Variants in HORMAD2 observed in about 807,000 individuals in gnomAD.
The protein encoded by HORMAD2 is HORMA domain containing 2.
In HORMAD2, 45 loss-of-function variants were observed where a neutral mutation model predicts 38.8. That is an observed-to-expected ratio of 1.16 (90% CI 0.91 to 1.49). The LOEUF is 1.49. Among genes scored for constraint, HORMAD2 ranks in the 40% most tolerant of loss-of-function variants. The pLI is 0.00. For synonymous variants in HORMAD2, 126 were observed against 122.8 expected, an observed-to-expected ratio of 1.03 and a Z score of -0.17; for missense variants, 338 against 367.0, an observed-to-expected ratio of 0.92 and a Z score of 0.65.
chr22:30,102,649 G>A (rs898101026), intron 3 of HORMAD2, among the ~76,000 whole-genome samples: 10 of 152,150 alleles, frequency 6.6e-5, no homozygotes, highest in Admixed American at 1.3e-4. Context: ...TTTTGAGAGG[G>A]AGTCTCATTT....
chr22:30,089,425 T>A (rs2068642725), intron 1 of HORMAD2, among the ~76,000 whole-genome samples: 1 of 151,478 alleles, frequency 6.6e-6, no homozygotes. Flanking sequence ...CAATCTTGGC[T>A]CACTGCAAGC....
At chr22:30,087,676 G>GA (rs954321199) in intron 1 of HORMAD2, among the ~76,000 whole-genome samples, 22 of 151,262 alleles carry the variant, frequency 1.5e-4, no homozygotes, top group African/African-American at 5.3e-4. Context: ...AGACAAAGGA[G>GA]AAGCAGGCAC....
chr22:30,108,122 C>T (rs718773), intron 5 of HORMAD2, among the ~76,000 whole-genome samples: 35,721 of 151,756 alleles, frequency 0.24, 6,558 homozygotes, highest in African/African-American at 0.51. Context: ...TTGAATTCTT[C>T]AAAATAAGTA....
At chr22:30,156,392 G>A (rs553937827) in intron 10 of HORMAD2, among the ~76,000 whole-genome samples, 8 of 152,138 alleles carry the variant, frequency 5.3e-5, no homozygotes, top group Admixed American at 1.3e-4. Flanking sequence ...TGGACCAAGA[G>A]CCAAATCATT....
intron 10 of HORMAD2, among the ~76,000 whole-genome samples, chr22:30,141,404 G>A (rs1325940129): frequency 2.0e-5 from 3 of 152,044 alleles, no homozygotes; most frequent in Non-Finnish European, 4.4e-5. Flanking sequence ...GGGAACAGGT[G>A]GTGTTTGGTT....
the HORMAD2 span, among the ~76,000 whole-genome samples, chr22:30,201,434 T>C: frequency 9.0e-3 from 1,173 of 131,038 alleles, 19 homozygotes; most frequent in African/African-American, 0.037. Context: ...TTTTTTTTTT[T>C]CCAAGACGGA....
Position 30,098,973 on chromosome 22 carries a change from A to T in HORMAD2, c.173A>T (p.Tyr58Phe). The change falls in exon 3 of 11, where the codon TAT becomes TTT. Residue 58 changes from tyrosine (Y) to phenylalanine (F), a missense_variant. Tyr to Phe is a conservative substitution (Grantham distance 22). Coordinates refer to ENST00000336726, the MANE Select transcript of HORMAD2 (RefSeq NM_152510.4). ...YLRGLFPESS[Y>F]GERHLDDLSL... ...AGGGGCCTGTTTCCAGAGAGCTCTT[A>T]TGGAGAACGCCATTTGGATGGTAAA... The T allele has an allele frequency of 6.2e-7, 1 of 1,610,482 alleles. No homozygotes were observed. Among genetic ancestry groups the T allele is most frequent in the South Asian group, 1.1e-5 (1 of 90,384 alleles).
At chr22:30,125,216 C>CT (rs1167990121) in intron 10 of HORMAD2, among the ~76,000 whole-genome samples, 5,823 of 43,228 alleles carry the variant, frequency 0.13, 1,533 homozygotes, top group Middle Eastern at 0.25. Flanking sequence ...TTTTTCTTTT[C>CT]TTTTTTTTTT....
At chr22:30,155,362 T>G (rs1204669376) in intron 10 of HORMAD2, among the ~76,000 whole-genome samples, 1 of 152,212 alleles carries the variant, frequency 6.6e-6, no homozygotes, top group African/African-American at 2.4e-5. Context: ...TATGGACTCA[T>G]GGGTCTTTAT....
intron 5 of HORMAD2, among the ~76,000 whole-genome samples, chr22:30,108,717 C>T (rs1439687142): frequency 6.6e-6 from 1 of 152,000 alleles, no homozygotes; most frequent in East Asian, 1.9e-4. Context: ...CGTTGTTCTC[C>T]CCTGCTAGTC....
chr22:30,114,402 A>C (rs1434466451), intron 7 of HORMAD2, among the ~76,000 whole-genome samples: 1 of 152,186 alleles, frequency 6.6e-6, no homozygotes, highest in Non-Finnish European at 1.5e-5. Flanking sequence ...GTGGTATAGC[A>C]ATGTTCATAG....
At chr22:30,182,445 A>G in the HORMAD2 span, among the ~76,000 whole-genome samples, 207 of 152,312 alleles carry the variant, frequency 1.4e-3, no homozygotes, top group African/African-American at 4.7e-3. Flanking sequence ...TTCCTAAATC[A>G]GATGCCAGCC....
chr22:30,102,561 G>A (rs5763774), intron 3 of HORMAD2, among the ~76,000 whole-genome samples: 22,335 of 152,162 alleles, frequency 0.15, 3,446 homozygotes, highest in African/African-American at 0.38. Flanking sequence ...ATACGAAAAG[G>A]TGAAGTTGCT....
chr22:30,099,170 A>T (rs1438438385), intron 3 of HORMAD2, among the ~76,000 whole-genome samples, 177 bp downstream of exon 3: 5 of 152,238 alleles, frequency 3.3e-5, no homozygotes, highest in African/African-American at 4.8e-5. Flanking sequence ...TTTTACTTAT[A>T]GGAATTACTA....
chr22:30,163,167 G>A (rs938889637), intron 10 of HORMAD2, among the ~76,000 whole-genome samples: 2 of 151,886 alleles, frequency 1.3e-5, no homozygotes, highest in African/African-American at 4.8e-5. Flanking sequence ...AGTGTTCTAG[G>A]TTTATTTCAA....
At chr22:30,188,330 T>C in the HORMAD2 span, among the ~76,000 whole-genome samples, 1 of 152,000 alleles carries the variant, frequency 6.6e-6, no homozygotes, top group Non-Finnish European at 1.5e-5. Flanking sequence ...TTTCTGTCTC[T>C]AATTAAAGAG....
chr22:30,142,072 A>G (rs1388740662), intron 10 of HORMAD2, among the ~76,000 whole-genome samples: 1 of 152,096 alleles, frequency 6.6e-6, no homozygotes, highest in East Asian at 1.9e-4. Context: ...CAACATAGTG[A>G]GACCCAGTCT....
chr22:30,129,462 C>T (rs1265207264), intron 10 of HORMAD2, among the ~76,000 whole-genome samples: 1 of 151,986 alleles, frequency 6.6e-6, no homozygotes, highest in East Asian at 1.9e-4. Flanking sequence ...TATATTATCA[C>T]TTTCAATCTT....
At chr22:30,167,298 T>C (rs1297321842) in intron 10 of HORMAD2, among the ~76,000 whole-genome samples, 2 of 152,210 alleles carry the variant, frequency 1.3e-5, no homozygotes, top group Non-Finnish European at 2.9e-5. Flanking sequence ...GATCCTTTAT[T>C]ACATCTGTAG....
Sources: gnomAD v4.1 joint callset for allele counts (sites outside exome capture counted in the v4.1 genomes callset) on GRCh38, gnomAD v4.1.1 for gene constraint, MANE v1.5 for transcripts, NCBI Gene and HGNC (gene_info 2026-07-23, HGNC 2026-07-21) for gene names.